The following FARS2 variants were observed in gnomAD, a reference collection of about 807,000 sequenced individuals.
FARS2 encodes phenylalanyl-tRNA synthetase 2, mitochondrial, also known as phenylalanine--tRNA ligase, mitochondrial.
FARS2 carries 40 observed loss-of-function variants against 46.4 expected under a neutral mutation model. The observed-to-expected ratio is 0.86, with a 90% confidence interval of 0.67 to 1.12. FARS2 has a LOEUF of 1.12. Ranked by LOEUF, FARS2 falls within the 50% of genes most tolerant of loss-of-function variation. FARS2 has a pLI of 0.00. For missense variants in FARS2, 513 were observed against 567.9 expected, an observed-to-expected ratio of 0.90 and a Z score of 0.98; for synonymous variants, 234 against 214.9, an observed-to-expected ratio of 1.09 and a Z score of -0.78.
At chr6:5,297,833 G>A (rs1248635957) in intron 1 of FARS2, among the ~76,000 whole-genome samples, 1 of 152,112 alleles carries the variant, frequency 6.6e-6, no homozygotes, top group East Asian at 1.9e-4. Context: ...TTTTATTTAA[G>A]ATTTTTGGGT....
intron 6 of FARS2, among the ~76,000 whole-genome samples, chr6:5,675,949 A>T (rs1778745850): frequency 6.6e-6 from 1 of 152,226 alleles, no homozygotes; most frequent in Non-Finnish European, 1.5e-5. Context: ...ATTGAACCCA[A>T]GGTGAAAATC....
chr6:5,302,506 G>A (rs1237133865), intron 1 of FARS2, among the ~76,000 whole-genome samples: 2 of 152,168 alleles, frequency 1.3e-5, no homozygotes, highest in African/African-American at 4.8e-5. Context: ...TGGTTATTAT[G>A]TGCTAGCACA....
At chr6:5,508,257 C>T (rs1424155294) in intron 4 of FARS2, among the ~76,000 whole-genome samples, 1 of 152,188 alleles carries the variant, frequency 6.6e-6, no homozygotes, top group African/African-American at 2.4e-5. Flanking sequence ...TAGGTGATCC[C>T]CATGTTGAGA....
At chr6:5,295,529 A>G (rs1001247544) in intron 1 of FARS2, among the ~76,000 whole-genome samples, 1 of 152,212 alleles carries the variant, frequency 6.6e-6, no homozygotes, top group African/African-American at 2.4e-5. Context: ...AAGCAAATAA[A>G]TAAAATAGTC....
At chr6:5,721,414 A>G (rs4960130) in intron 6 of FARS2, among the ~76,000 whole-genome samples, 145,413 of 152,328 alleles carry the variant, frequency 0.95, 69,457 homozygotes, top group East Asian at 1. Flanking sequence ...GTAGTTTTTT[A>G]AAAGTTAGTT....
intron 4 of FARS2, among the ~76,000 whole-genome samples, chr6:5,483,063 T>C (rs1766567132): frequency 6.6e-6 from 1 of 152,174 alleles, no homozygotes; most frequent in African/African-American, 2.4e-5. Flanking sequence ...TGGGTCCATG[T>C]ACAAGAGCAT....
At chr6:5,359,366 AT>A (rs1422817107) in intron 1 of FARS2, among the ~76,000 whole-genome samples, 1 of 152,158 alleles carries the variant, frequency 6.6e-6, no homozygotes, top group Non-Finnish European at 1.5e-5. Context: ...AATGGGGAAG[AT>A]GGCATGGTAT....
chr6:5,384,045 T>G (rs533490070), intron 2 of FARS2, among the ~76,000 whole-genome samples: 3 of 152,226 alleles, frequency 2.0e-5, no homozygotes, highest in Non-Finnish European at 4.4e-5. Flanking sequence ...AGTTTTCTCC[T>G]ACTTTACATG....
intron 5 of FARS2, chr6:5,609,435 C>T: frequency 1.7e-6 from 2 of 1,208,982 alleles, no homozygotes; most frequent in Non-Finnish European, 2.4e-6. Flanking sequence ...TCCAAAATAG[C>T]TTCCATCATT....
At chr6:5,707,553 G>A (rs7768893) in intron 6 of FARS2, among the ~76,000 whole-genome samples, 57,210 of 152,058 alleles carry the variant, frequency 0.38, 11,465 homozygotes, top group East Asian at 0.81. Context: ...AGTCTGTATG[G>A]GTCTAGTTTA....
At chr6:5,613,462 A>C (rs1012679836) in intron 6 of FARS2, 142 bp downstream of exon 6, 2 of 595,882 alleles carry the variant, frequency 3.4e-6, no homozygotes, top group South Asian at 2.8e-5. Context: ...ATAGCTTATC[A>C]GAAAACTCTT....
At chr6:5,349,773 G>T (rs1757455409) in intron 1 of FARS2, among the ~76,000 whole-genome samples, 1 of 151,800 alleles carries the variant, frequency 6.6e-6, no homozygotes, top group African/African-American at 2.4e-5. Context: ...TACTCTCCTT[G>T]TTTCTGGTGA....
intron 1 of FARS2, among the ~76,000 whole-genome samples, chr6:5,327,134 CTT>C (rs1770449198): frequency 2.0e-5 from 3 of 152,154 alleles, no homozygotes; most frequent in Admixed American, 2.0e-4. Flanking sequence ...ACCTTCATAA[CTT>C]TTGGCTGAAT....
At chr6:5,689,072 T>C (rs1757478397) in intron 6 of FARS2, among the ~76,000 whole-genome samples, 1 of 152,218 alleles carries the variant, frequency 6.6e-6, no homozygotes, top group African/African-American at 2.4e-5. Context: ...TTTTATTGTG[T>C]CTATTTGATT....
At chr6:5,438,440 A>C (rs1763662403) in intron 4 of FARS2, among the ~76,000 whole-genome samples, 1 of 151,364 alleles carries the variant, frequency 6.6e-6, no homozygotes, top group South Asian at 2.1e-4. Flanking sequence ...TCTTCATGTT[A>C]ATTGATTTTG....
At chr6:5,454,866 G>C (rs1025264820) in intron 4 of FARS2, among the ~76,000 whole-genome samples, 2 of 152,134 alleles carry the variant, frequency 1.3e-5, no homozygotes, top group African/African-American at 4.8e-5. Flanking sequence ...CCCTTCCTTT[G>C]CTGGGACTGC....
intron 1 of FARS2, among the ~76,000 whole-genome samples, chr6:5,363,148 G>C (rs113755038): frequency 0.056 from 8,430 of 151,762 alleles, 270 homozygotes; most frequent in Middle Eastern, 0.14. Flanking sequence ...GGATGGTCTC[G>C]TTCTCCTGCC....
At chr6:5,295,894 T>A (rs563568592) in intron 1 of FARS2, among the ~76,000 whole-genome samples, 1 of 152,164 alleles carries the variant, frequency 6.6e-6, no homozygotes, top group East Asian at 1.9e-4. Context: ...GTCTAGGCAG[T>A]GAGCATCTTT....
At chr6:5,299,923 A>C (rs1402707755) in intron 1 of FARS2, among the ~76,000 whole-genome samples, 1 of 152,214 alleles carries the variant, frequency 6.6e-6, no homozygotes, top group East Asian at 1.9e-4. Context: ...GCCAATTTCC[A>C]TAATAAATTC....
Sources: gnomAD v4.1 joint callset for allele counts (sites outside exome capture counted in the v4.1 genomes callset) on GRCh38, gnomAD v4.1.1 for gene constraint, MANE v1.5 for transcripts, NCBI Gene and HGNC (gene_info 2026-07-23, HGNC 2026-07-21) for gene names.